XKR4: variants seen among roughly 807,000 people sequenced by gnomAD.
The protein encoded by XKR4 is XK related 4.
In XKR4, 12 loss-of-function variants were observed where a neutral mutation model predicts 53.9. That is an observed-to-expected ratio of 0.22 (90% CI 0.14 to 0.36). The LOEUF (loss-of-function observed/expected upper bound fraction) is 0.36. Ranked by LOEUF, XKR4 falls within the 10% of genes least tolerant of loss-of-function variation. The pLI, the probability that XKR4 is intolerant of heterozygous loss-of-function variation, is 1.00. For missense variants in XKR4, 799 were observed against 859.5 expected, an observed-to-expected ratio of 0.93 and a Z score of 0.88; for synonymous variants, 354 against 362.4, an observed-to-expected ratio of 0.98 and a Z score of 0.26.
intron 1 of XKR4, among the ~76,000 whole-genome samples, chr8:55,224,428 C>T (rs191751135): frequency 2.2e-4 from 34 of 152,262 alleles, no homozygotes; most frequent in Non-Finnish European, 4.3e-4. Flanking sequence ...ATGTTTGGCT[C>T]TTGTGTAGTC....
At chr8:55,457,183 C>G (rs1353473589) in intron 2 of XKR4, among the ~76,000 whole-genome samples, 3 of 133,864 alleles carry the variant, frequency 2.2e-5, no homozygotes, top group Non-Finnish European at 4.6e-5. Context: ...TGCTCTGTCA[C>G]CCAGACTGGA....
chr8:55,518,158 G>A (rs1026720787), intron 2 of XKR4, among the ~76,000 whole-genome samples: 5 of 152,170 alleles, frequency 3.3e-5, no homozygotes, highest in South Asian at 2.1e-4. Flanking sequence ...CCTACGAAGC[G>A]TGCTCTGGGG....
At chr8:55,419,299 C>T (rs1227191989) in intron 2 of XKR4, among the ~76,000 whole-genome samples, 1 of 152,140 alleles carries the variant, frequency 6.6e-6, no homozygotes, top group South Asian at 2.1e-4. Flanking sequence ...GCATGAGAAT[C>T]GCTTGAACCC....
chr8:55,534,561 G>C lies in XKR4; in HGVS notation c.*10334G>C, dbSNP rs1313228795. ...GCTAATTTTTTTGTATTTTTTAGTAGAGATGGGGTTTCACCGTGTTAGCCA... is the reference window on the plus strand; with the variant it reads ...GCTAATTTTTTTGTATTTTTTAGTACAGATGGGGTTTCACCGTGTTAGCCA... On this transcript the variant is annotated 3_prime_UTR_variant, in exon 3 of 3. Coordinates refer to ENST00000327381, the MANE Select transcript of XKR4 (RefSeq NM_052898.2). 6.6e-6 allele frequency: 1 copy of C among 151,102 alleles called. No homozygotes were observed. Among genetic ancestry groups the C allele is most frequent in the Admixed American group, 6.6e-5 (1 of 15,110 alleles). The allele number at this position is 151,102 out of a possible 1,614,324, so 9.4% of individuals were successfully genotyped here.
At chr8:55,444,658 AG>A (rs1805319974) in intron 2 of XKR4, among the ~76,000 whole-genome samples, 1 of 152,256 alleles carries the variant, frequency 6.6e-6, no homozygotes, top group Non-Finnish European at 1.5e-5. Context: ...AAAATTTAAA[AG>A]TTACACAATG....
At chr8:55,457,708 A>AGAT (rs1361394848) in intron 2 of XKR4, among the ~76,000 whole-genome samples, 1 of 152,248 alleles carries the variant, frequency 6.6e-6, no homozygotes, top group African/African-American at 2.4e-5. Flanking sequence ...AAATGTAGGT[A>AGAT]GATTGAAAGA....
chr8:55,513,542 A>C (rs1274362385), intron 2 of XKR4, among the ~76,000 whole-genome samples: 1 of 152,208 alleles, frequency 6.6e-6, no homozygotes, highest in Non-Finnish European at 1.5e-5. Flanking sequence ...CTGTCCTGGA[A>C]ATAATCAGGA....
At position 55,381,800 on chromosome 8, in the gene XKR4, G is replaced by T. The variant is rs565571358; in HGVS notation, c.1006+23923G>T. 7.9e-5 allele frequency among the ~76,000 whole-genome samples: 12 copies of T among 152,210 alleles called. 1 individual carries two copies. In the Middle Eastern group the frequency reaches 0.01, roughly 130 times the overall value. ...AGTTGCCACCTAAGATTATGACATC[G>T]CACTGTAGCATCATTTCATAGAAAC... is the stretch of plus-strand genomic sequence containing the variant. On this transcript the variant is annotated intron_variant, in intron 2 of 2. Transcript: ENST00000327381.
intron 2 of XKR4, among the ~76,000 whole-genome samples, chr8:55,507,419 T>G (rs965241605): frequency 6.6e-6 from 1 of 152,292 alleles, no homozygotes. Flanking sequence ...GTTACATATG[T>G]ATACATGTGC....
intron 2 of XKR4, chr8:55,450,450 A>G: frequency 6.8e-6 from 4 of 585,786 alleles, no homozygotes; most frequent in Non-Finnish European, 1.3e-5. Flanking sequence ...AGAGACCTGC[A>G]AGGCAGCTGG....
chr8:55,466,401 CT>C lies in XKR4; in HGVS notation c.1007-56879del, dbSNP rs1563358550. Among the ~76,000 whole-genome samples the C allele has an allele frequency of 6.0e-3, 904 of 151,376 alleles. 13 individuals are homozygous for C. Among genetic ancestry groups the C allele is most frequent in the African/African-American group, 0.02 (836 of 41,216 alleles). ...ATTGCAAGGACTAAAAACCAAACAC[CT>C]CGTGTTCTCACTCATAGGTGGGAAT... On this transcript the variant is annotated intron_variant, in intron 2 of 2. Transcript: ENST00000327381.
At chr8:55,463,622 T>A (rs78768745) in intron 2 of XKR4, among the ~76,000 whole-genome samples, 65,393 of 151,426 alleles carry the variant, frequency 0.43, 14,433 homozygotes, top group East Asian at 0.53. Flanking sequence ...AAATAACTAA[T>A]ATCAGAGCAG....
intron 1 of XKR4, among the ~76,000 whole-genome samples, chr8:55,350,738 CTTTTTTTTT>C (rs1028164969): frequency 6.5e-4 from 80 of 122,432 alleles, no homozygotes; most frequent in Middle Eastern, 4.5e-3. Flanking sequence ...TTTTTCTTTT[CTTTTTTTTT>C]TTTTTTTTTT....
At chr8:55,285,570 T>A (rs1352034917) in intron 1 of XKR4, among the ~76,000 whole-genome samples, 2 of 152,106 alleles carry the variant, frequency 1.3e-5, no homozygotes, top group Non-Finnish European at 2.9e-5. Flanking sequence ...AAATGATATA[T>A]TTAGAGCAAG....
Position 55,540,456 on chromosome 8 carries a change from C to A in XKR4, c.*16229C>A, listed in dbSNP as rs902363841. On this transcript the variant is annotated 3_prime_UTR_variant, in exon 3 of 3. Transcript: ENST00000327381. ...ATTTGGTCAATTGCTTATTGAAGATCCCAGCTGAAGCCTTTCTTTGGTAAA... is the reference window on the plus strand; with the variant it reads ...ATTTGGTCAATTGCTTATTGAAGATACCAGCTGAAGCCTTTCTTTGGTAAA... 9.2e-5 allele frequency: 14 copies of A among 152,126 alleles called. No homozygotes were observed. Among genetic ancestry groups the A allele is most frequent in the African/African-American group, 3.4e-4 (14 of 41,432 alleles). 9.4% of individuals were successfully genotyped at this position (152,126 alleles called of 1,614,324 possible). A position where few individuals can be genotyped will look rare whatever the true frequency, so the allele number is the denominator to read the frequency against.
intron 1 of XKR4, among the ~76,000 whole-genome samples, chr8:55,305,157 AC>A (rs1027997884): frequency 2.9e-4 from 44 of 152,148 alleles, no homozygotes; most frequent in Non-Finnish European, 2.9e-4. Context: ...AGCTATACAA[AC>A]TTACATTTTA....
chr8:55,104,450 A>G (rs1176508716), intron 1 of XKR4, among the ~76,000 whole-genome samples: 1 of 152,168 alleles, frequency 6.6e-6, no homozygotes, highest in Non-Finnish European at 1.5e-5. Context: ...ATTTGTGGCT[A>G]TTTTTGTGAT....
chr8:55,531,434 T>A lies in XKR4; in HGVS notation c.*7207T>A, dbSNP rs1207849664. ...TATTATTGACCAAAATGCCATTGTG[T>A]GGCATGTGAGCCTTACAATATACAA... On this transcript the variant is annotated 3_prime_UTR_variant, in exon 3 of 3. Transcript: ENST00000327381. 2.6e-5 allele frequency: 4 copies of A among 152,160 alleles called. No individual in the cohort carries two copies. Among genetic ancestry groups the A allele is most frequent in the Non-Finnish European group, 4.4e-5 (3 of 68,034 alleles). 9.4% of individuals were successfully genotyped at this position (152,160 alleles called of 1,614,324 possible). A position where few individuals can be genotyped will look rare whatever the true frequency, so the allele number is the denominator to read the frequency against.
chr8:55,117,184 A>C (rs1816321774), intron 1 of XKR4, among the ~76,000 whole-genome samples: 1 of 152,160 alleles, frequency 6.6e-6, no homozygotes, highest in African/African-American at 2.4e-5. Context: ...ATTCTATTGG[A>C]CATTGCTGAG....
Sources: allele counts gnomAD v4.1 joint callset (sites outside exome capture counted in the v4.1 genomes callset), GRCh38; gene constraint gnomAD v4.1.1; transcripts MANE v1.5; gene names NCBI Gene and HGNC (gene_info 2026-07-23, HGNC 2026-07-21).